AGO2: variants seen among roughly 807,000 people sequenced by gnomAD.
AGO2 encodes argonaute RISC catalytic component 2.
In AGO2, 5 loss-of-function variants were observed where a neutral mutation model predicts 102.3. The observed-to-expected ratio is 0.05, with a 90% CI of 0.03 to 0.10. AGO2 has a LOEUF of 0.10. Ranked by LOEUF, AGO2 falls within the 10% of genes least tolerant of loss-of-function variation. The pLI is 1.00. For missense variants in AGO2, 541 were observed against 1,183.7 expected (o/e 0.46, Z 7.97); for synonymous variants, 449 against 473.1 (o/e 0.95, Z 0.66).
chr8:140,570,944 T>G (rs1201804872), intron 3 of AGO2, among the ~76,000 whole-genome samples: 1 of 152,170 alleles, frequency 6.6e-6, no homozygotes, highest in African/African-American at 2.4e-5. Context: ...AATATAAACA[T>G]ATACAGACAA....
chr8:140,602,255 C>T (rs2073943670), intron 1 of AGO2, among the ~76,000 whole-genome samples: 3 of 152,144 alleles, frequency 2.0e-5, no homozygotes, highest in African/African-American at 7.2e-5. Context: ...TCTTCTGTGA[C>T]ATTTTCCTAC....
At chr8:140,577,207 CAA>C (rs10661844) in intron 2 of AGO2, among the ~76,000 whole-genome samples, 10 of 70,742 alleles carry the variant, frequency 1.4e-4, no homozygotes, top group Admixed American at 1.7e-4. Flanking sequence ...GACTCCATCT[CAA>C]AAAAAAAAAA....
intron 1 of AGO2, among the ~76,000 whole-genome samples, chr8:140,622,175 G>A (rs1213926739): frequency 7.2e-5 from 11 of 152,214 alleles, no homozygotes; most frequent in Admixed American, 5.9e-4. Flanking sequence ...GAACATACTC[G>A]GAACAGGTCA....
At chr8:140,627,053 CTG>C (rs1239628844) in intron 1 of AGO2, among the ~76,000 whole-genome samples, 2 of 152,202 alleles carry the variant, frequency 1.3e-5, no homozygotes, top group Non-Finnish European at 2.9e-5. Context: ...TCAATCATAA[CTG>C]GGACTCAGAC....
chr8:140,535,394 G>A, intron 17 of AGO2, 74 bp downstream of exon 17: 1 of 1,477,386 alleles, frequency 6.8e-7, no homozygotes, highest in Non-Finnish European at 9.5e-7. Flanking sequence ...CAGCCAGAGT[G>A]CAAGTGTTTG....
chr8:140,558,072 AC>A (rs979049743), intron 7 of AGO2, among the ~76,000 whole-genome samples: 1 of 150,590 alleles, frequency 6.6e-6, no homozygotes, highest in African/African-American at 2.4e-5. Flanking sequence ...GTGCACTCTC[AC>A]CCCCCACTCC....
chr8:140,627,255 G>A (rs562741429), intron 1 of AGO2, among the ~76,000 whole-genome samples: 8 of 152,340 alleles, frequency 5.3e-5, no homozygotes, highest in South Asian at 4.1e-4. Flanking sequence ...CCAACCGTCG[G>A]AACAAGAGTG....
intron 1 of AGO2, among the ~76,000 whole-genome samples, chr8:140,602,118 C>A (rs926487594): frequency 2.6e-4 from 40 of 152,368 alleles, no homozygotes; most frequent in African/African-American, 9.4e-4. Context: ...GCAATGAGCA[C>A]ATCCCTCTCT....
At chr8:140,633,101 C>T (rs779156130) in intron 1 of AGO2, among the ~76,000 whole-genome samples, 11 of 151,934 alleles carry the variant, frequency 7.2e-5, no homozygotes, top group African/African-American at 1.5e-4. Flanking sequence ...TTAGTAGAGA[C>T]GGGGTTTCAT....
At chr8:140,612,153 G>A (rs954056328) in intron 1 of AGO2, among the ~76,000 whole-genome samples, 1 of 147,510 alleles carries the variant, frequency 6.8e-6, no homozygotes, top group Non-Finnish European at 1.5e-5. Flanking sequence ...AACCTGAGAG[G>A]CGGAGGTTGC....
intron 3 of AGO2, among the ~76,000 whole-genome samples, chr8:140,569,530 A>G (rs1352071579): frequency 6.6e-6 from 1 of 152,182 alleles, no homozygotes; most frequent in East Asian, 1.9e-4. Context: ...ACCTTCCTAA[A>G]TTTTCTATTC....
chr8:140,543,390 C>T lies in AGO2; in HGVS notation c.1839+823G>A, dbSNP rs562093654. On this transcript the variant is annotated intron_variant, in intron 14 of 18. Transcript: ENST00000220592. Reference sequence around the variant, plus strand: ...CCACCTGGGGCAGCTCGAATGGCTTCCTTGCGTCCCAGATAGATTCTCTTG... The same window carrying T: ...CCACCTGGGGCAGCTCGAATGGCTTTCTTGCGTCCCAGATAGATTCTCTTG... Among the ~76,000 whole-genome samples the T allele has an allele frequency of 2.6e-5, 4 of 152,310 alleles. No individual in the cohort carries two copies. In the South Asian group the frequency reaches 8.3e-4, roughly 32 times the overall value.
intron 1 of AGO2, among the ~76,000 whole-genome samples, chr8:140,597,528 G>A (rs2073866798): frequency 6.7e-6 from 1 of 150,164 alleles, no homozygotes; most frequent in African/African-American, 2.5e-5. Flanking sequence ...CCTTTCCTGG[G>A]GGATGGCCTC....
chr8:140,604,289 G>A (rs1477364791), intron 1 of AGO2, among the ~76,000 whole-genome samples: 1 of 152,238 alleles, frequency 6.6e-6, no homozygotes, highest in Non-Finnish European at 1.5e-5. Context: ...ATCTAGCTGG[G>A]AGTTCATGTT....
intron 13 of AGO2, among the ~76,000 whole-genome samples, chr8:140,546,546 G>A (rs570787892): frequency 5.9e-5 from 9 of 152,332 alleles, no homozygotes; most frequent in East Asian, 1.9e-4. Flanking sequence ...AAGGCAGTTC[G>A]ATTTAGGATT....
rs550683046 is a variant in AGO2 at position 140,605,602 on chromosome 8, C to T, written c.23-20291G>A. On this transcript the variant is annotated intron_variant, in intron 1 of 18. Coordinates refer to ENST00000220592, the MANE Select transcript of AGO2 (RefSeq NM_012154.5). ...TCTAGGGGAGGGTCTGCAGCTCTCG[C>T]AGGGGTGCCCAGCGGTAGGTCAGAA... 3.3e-5 allele frequency among the ~76,000 whole-genome samples: 5 copies of T among 152,292 alleles called. No individual in the cohort carries two copies. In the South Asian group the frequency reaches 1.0e-3, roughly 32 times the overall value.
Position 140,628,388 on chromosome 8 carries a change from TGTGTGTGTGC to T in AGO2, c.22+7087_22+7096del, listed in dbSNP as rs2074301480. 2.0e-5 allele frequency among the ~76,000 whole-genome samples: 3 copies of T among 151,290 alleles called. No homozygotes were observed. The South Asian group carries it at 6.2e-4, about 31-fold the overall frequency. ...CCAGGCACGTGGAGCTGCAGGCACGTGTGTGTGTGCGTGTGTGTGTGTTACATACCTGTGT... is the reference window on the plus strand; with the variant it reads ...CCAGGCACGTGGAGCTGCAGGCACGTGTGTGTGTGTGTTACATACCTGTGT... On this transcript the variant is annotated intron_variant, in intron 1 of 18. Transcript: ENST00000220592.
chr8:140,597,481 C>T lies in AGO2; in HGVS notation c.23-12170G>A, dbSNP rs1374382416. On this transcript the variant is annotated intron_variant, in intron 1 of 18. Transcript: ENST00000220592. ...GGGCTGGGTGGCCCCCCCACCCCCC[C>T]CCCCCCGCCCCAGGCCTCCCTGCCT... Among the ~76,000 whole-genome samples the T allele has an allele frequency of 4.5e-4, 64 of 143,056 alleles. 3 individuals are homozygous for T. The highest frequency in any genetic ancestry group is 1.3e-3 in the African/African-American group (50 of 39,050). 93.9% of individuals were successfully genotyped at this position (143,056 alleles called of 152,430 possible). A position where few individuals can be genotyped will look rare whatever the true frequency, so the allele number is the denominator to read the frequency against.
Position 140,522,749 on chromosome 8 carries a change from G to GAGAGAGA in AGO2, c.*9294_*9295insTCTCTCT. 6.7e-5 allele frequency: 10 copies of GAGAGAGA among 149,412 alleles called. No homozygotes were observed. Among genetic ancestry groups the GAGAGAGA allele is most frequent in the African/African-American group, 2.2e-4 (9 of 40,586 alleles). 9.3% of individuals were successfully genotyped at this position (149,412 alleles called of 1,614,324 possible). ...GGGGAGAGAGAGAGAGAGAGAGAGA[G>GAGAGAGA]GTGTATCACTGAATGCTTCCCTTTA... On this transcript the variant is annotated 3_prime_UTR_variant, in exon 19 of 19. Coordinates refer to ENST00000220592, the MANE Select transcript of AGO2 (RefSeq NM_012154.5).
Sources: allele counts gnomAD v4.1 joint callset (sites outside exome capture counted in the v4.1 genomes callset), GRCh38; gene constraint gnomAD v4.1.1; transcripts MANE v1.5; gene names NCBI Gene and HGNC (gene_info 2026-07-23, HGNC 2026-07-21).